GRPEL1: variants seen among roughly 807,000 people sequenced by gnomAD.
The protein encoded by GRPEL1 is grpE protein homolog 1, mitochondrial.
In GRPEL1, 13 loss-of-function variants were observed where a neutral mutation model predicts 22.1. The observed-to-expected ratio is 0.59, with a 90% CI of 0.38 to 0.94. The LOEUF (loss-of-function observed/expected upper bound fraction) is 0.94. Among genes scored for constraint, GRPEL1 ranks in the 40% least tolerant of loss-of-function variants. The probability of loss-of-function intolerance (pLI) is 0.00; values close to 1 mark genes in which losing one functional copy is unlikely to be tolerated. For synonymous variants in GRPEL1, 109 were observed against 105.3 expected, an observed-to-expected ratio of 1.03 and a Z score of -0.21; for missense variants, 289 against 264.6, an observed-to-expected ratio of 1.09 and a Z score of -0.64.
rs1388286903 is a variant in GRPEL1 at position 7,060,669 on chromosome 4, A to G, written c.*193T>C. 3.3e-6 allele frequency: 2 copies of G among 613,908 alleles called. No individual in the cohort carries two copies. The highest frequency in any genetic ancestry group is 3.0e-5 in the Admixed American group (1 of 33,404). 38.0% of individuals were successfully genotyped at this position (613,908 alleles called of 1,614,324 possible). On this transcript the variant is annotated 3_prime_UTR_variant, in exon 4 of 4. Coordinates refer to ENST00000264954, the MANE Select transcript of GRPEL1 (RefSeq NM_025196.4). The stretch of plus-strand genomic sequence containing the variant: ...GTGGAACTATTCAACGCGTGGCACT[A>G]AAAGGGAACAGACTCCCGAATTAGA...
chr4:7,068,009 C>A lies in GRPEL1; in HGVS notation c.24G>T (p.Leu8Phe). 6.2e-7 allele frequency: 1 copy of A among 1,613,026 alleles called. No individual in the cohort carries two copies. The highest frequency in any genetic ancestry group is 2.2e-5 in the East Asian group (1 of 44,852). The change falls in exon 1 of 4, where the codon TTG becomes TTT. Residue 8 changes from leucine to phenylalanine, a missense_variant. Transcript: ENST00000264954. MAAQCVR[L>F]ARRSLPALAL... is the part of the protein sequence containing the mutation. ...CCAAAGCAGGAAGACTGCGCCGCGC[C>A]AACCTCACGCACTGAGCCGCCATGA... is the stretch of plus-strand genomic sequence containing the variant.
Position 7,065,043 on chromosome 4 carries a change from ACCT to A in GRPEL1, c.63-823_63-821del, listed in dbSNP as rs566100587. Among the ~76,000 whole-genome samples, 6 of 152,182 alleles carry A rather than the reference ACCT, an allele frequency of 3.9e-5. No individual in the cohort carries two copies. In the South Asian group the frequency reaches 1.2e-3, roughly 32 times the overall value. ...CAGTACTTGGTACAGAACAGTACTA[ACCT>A]CCTCTTTCCATTCTAAGGTGACTGA... On this transcript the variant is annotated intron_variant, in intron 1 of 3. Transcript: ENST00000264954.
chr4:7,058,951 A>G lies in GRPEL1; in HGVS notation c.*1911T>C, dbSNP rs1399629033. The G allele has an allele frequency of 6.6e-6, 1 of 152,226 alleles. No individual in the cohort carries two copies. Among genetic ancestry groups the G allele is most frequent in the Non-Finnish European group, 1.5e-5 (1 of 68,044 alleles). 9.4% of individuals were successfully genotyped at this position (152,226 alleles called of 1,614,324 possible). ...TGTTATGTTCAGATACACAGATACC[A>G]TTGTGTTAACAGTTGCCTACAGTAT... On this transcript the variant is annotated 3_prime_UTR_variant, in exon 4 of 4. Transcript: ENST00000264954.
intron 2 of GRPEL1, 39 bp from the exon 3 acceptor site, chr4:7,062,505 TATATATATATC>T (rs780697813): frequency 5.0e-6 from 3 of 596,084 alleles, no homozygotes; most frequent in South Asian, 4.1e-5. Context: ...TATATATATA[TATATATATATC>T]TTTTTTTTTG....
chr4:7,067,718 C>A (rs993048225), intron 1 of GRPEL1, among the ~76,000 whole-genome samples: 5 of 152,256 alleles, frequency 3.3e-5, no homozygotes, highest in Admixed American at 6.5e-5. Context: ...GAGCCAAACG[C>A]CCCCCGCGCT....
Position 7,060,803 on chromosome 4 carries a change from G to A in GRPEL1, c.*59C>T, listed in dbSNP as rs1446884240. Reference sequence around the variant, plus strand: ...CACGTACTCATAGATGAGAAACAATGAACCAGCCTTGAGAGTTACATCAAG... The same window carrying A: ...CACGTACTCATAGATGAGAAACAATAAACCAGCCTTGAGAGTTACATCAAG... On this transcript the variant is annotated 3_prime_UTR_variant, in exon 4 of 4. Transcript: ENST00000264954. 7.0e-7 allele frequency: 1 copy of A among 1,420,952 alleles called. No homozygotes were observed. Among genetic ancestry groups the A allele is most frequent in the African/African-American group, 1.4e-5 (1 of 70,198 alleles). The allele number at this position is 1,420,952 out of a possible 1,614,324, so 88.0% of individuals were successfully genotyped here.
intron 1 of GRPEL1, among the ~76,000 whole-genome samples, chr4:7,066,818 G>A (rs972528730): frequency 6.6e-6 from 1 of 152,220 alleles, no homozygotes; most frequent in African/African-American, 2.4e-5. Context: ...TACTCTGAGA[G>A]CTATGACTAC....
chr4:7,067,443 G>C (rs1407586167), intron 1 of GRPEL1: 1 of 157,244 alleles, frequency 6.4e-6, no homozygotes, highest in East Asian at 1.9e-4. Context: ...CACGCACCTT[G>C]CGACACGAAG....
Position 7,068,041 on chromosome 4 carries a change from C to A in GRPEL1, c.-9G>T. 6.2e-7 allele frequency: 1 copy of A among 1,612,586 alleles called. No homozygotes were observed. The highest frequency in any genetic ancestry group is 8.5e-7 in the Non-Finnish European group (1 of 1,179,546). ...ACGCACTGAGCCGCCATGACTGCCACTGCCCGTCGCAGTCGCCGCGCACGC... is the reference window on the plus strand; with the variant it reads ...ACGCACTGAGCCGCCATGACTGCCAATGCCCGTCGCAGTCGCCGCGCACGC... On this transcript the variant is annotated 5_prime_UTR_variant, in exon 1 of 4. Transcript: ENST00000264954.
At chr4:7,065,498 G>C (rs1379403923) in intron 1 of GRPEL1, among the ~76,000 whole-genome samples, 1 of 147,102 alleles carries the variant, frequency 6.8e-6, no homozygotes. Flanking sequence ...TGGGCGACAA[G>C]AGGGAAACTC....
chr4:7,067,016 G>T (rs2358718), intron 1 of GRPEL1, among the ~76,000 whole-genome samples: 106,332 of 152,136 alleles, frequency 0.7, 38,267 homozygotes, highest in South Asian at 0.81. Flanking sequence ...CTCCTGTGTT[G>T]TTAAGATATA....
intron 1 of GRPEL1, among the ~76,000 whole-genome samples, chr4:7,065,732 A>G (rs1724151484): frequency 6.6e-6 from 1 of 152,158 alleles, no homozygotes; most frequent in African/African-American, 2.4e-5. Flanking sequence ...GAAGACAGGA[A>G]AGCATGGGAT....
At chr4:7,064,455 CAT>C (rs754938245) in intron 1 of GRPEL1, 26 of 351,026 alleles carry the variant, frequency 7.4e-5, no homozygotes, top group Non-Finnish European at 1.1e-4. Context: ...CTAAGATAAA[CAT>C]ATATATATTT....
In GRPEL1 at chr4:7,060,919, G is replaced by A. The variant is rs1213705769; in HGVS notation, c.597C>T (p.Tyr199=). 14 of 1,614,070 alleles carry A rather than the reference G, an allele frequency of 8.7e-6. No homozygotes were observed. Among genetic ancestry groups the A allele is most frequent in the Admixed American group, 1.7e-5 (1 of 60,000 alleles). ...GTVALVSKVG[Y]KLHGRTLRPA... ...GTCTCAGAGTGCGCCCATGCAGCTT[G>A]TACCCCACTTTGCTAACTAGGGCCA... The change falls in exon 4 of 4, where the codon TAC becomes TAT. Residue 199 remains tyrosine (Y), a synonymous_variant. Transcript: ENST00000264954.
At chr4:7,061,614 A>T (rs1300937094) in intron 3 of GRPEL1, 2 of 187,768 alleles carry the variant, frequency 1.1e-5, no homozygotes, top group Non-Finnish European at 2.3e-5. Context: ...AAGGGGAGAG[A>T]AGAGGTCTGG....
intron 1 of GRPEL1, among the ~76,000 whole-genome samples, chr4:7,064,742 G>C (rs1724127138): frequency 6.6e-6 from 1 of 152,104 alleles, no homozygotes; most frequent in Non-Finnish European, 1.5e-5. Context: ...TAAGTGATCT[G>C]CCCGCGTTGG....
chr4:7,067,256 A>C, intron 1 of GRPEL1, among the ~76,000 whole-genome samples: 1 of 82,670 alleles, frequency 1.2e-5, no homozygotes, highest in South Asian at 5.5e-4. Flanking sequence ...GGCAGATTTG[A>C]GGGGAAAAAA....
At chr4:7,065,946 C>T (rs745772325) in intron 1 of GRPEL1, among the ~76,000 whole-genome samples, 19 of 151,892 alleles carry the variant, frequency 1.3e-4, no homozygotes, top group South Asian at 2.1e-4. Context: ...CTCCGCCGCC[C>T]GGGTTCACGC....
chr4:7,064,604 C>T (rs1162943501), intron 1 of GRPEL1, among the ~76,000 whole-genome samples: 1 of 152,078 alleles, frequency 6.6e-6, no homozygotes, highest in African/African-American at 2.4e-5. Flanking sequence ...ACCTCCGTCT[C>T]GTGGGTTCAA....
Sources: allele counts gnomAD v4.1 joint callset (sites outside exome capture counted in the v4.1 genomes callset), GRCh38; gene constraint gnomAD v4.1.1; transcripts MANE v1.5; gene names NCBI Gene and HGNC (gene_info 2026-07-23, HGNC 2026-07-21).